Variants in NEURL2 observed in about 807,000 individuals in gnomAD.
NEURL2 encodes the protein neuralized-like protein 2.
NEURL2 carries 16 observed loss-of-function variants against 15.9 expected under a neutral mutation model. The ratio of observed to expected loss-of-function variants is 1.01; its 90% CI spans 0.68 to 1.53. NEURL2 has a LOEUF of 1.53. Ranked by LOEUF, NEURL2 falls within the 40% of genes most tolerant of loss-of-function variation. The probability of loss-of-function intolerance (pLI) is 0.00; values close to 1 mark genes in which losing one functional copy is unlikely to be tolerated. For missense variants in NEURL2, 393 were observed against 407.8 expected, an observed-to-expected ratio of 0.96 and a Z score of 0.31; for synonymous variants, 188 against 178.3, an observed-to-expected ratio of 1.05 and a Z score of -0.43.
At chr20:45,889,706 C>T (rs531963933) in intron 1 of NEURL2, among the ~76,000 whole-genome samples, 97 of 149,666 alleles carry the variant, frequency 6.5e-4, no homozygotes, top group Non-Finnish European at 1.3e-3. Context: ...CTCCACCTCT[C>T]GGGTTCAAGT....
chr20:45,890,827 G>A lies in NEURL2; in HGVS notation c.165C>T (p.Phe55=). The A allele has an allele frequency of 6.4e-7, 1 of 1,572,556 alleles. No individual in the cohort carries two copies. The highest frequency in any genetic ancestry group is 1.2e-5 in the South Asian group (1 of 85,604). The change falls in exon 1 of 2, where the codon TTC becomes TTT. Residue 55 remains phenylalanine, a synonymous_variant. Transcript: ENST00000372518. ...RVESFAHGVC[F]SREPLAPGQV... Reference sequence around the variant, plus strand: ...GGCCCGGGGCCAGCGGCTCGCGGCTGAAGCACACGCCGTGGGCGAAGCTCT... The same window carrying A: ...GGCCCGGGGCCAGCGGCTCGCGGCTAAAGCACACGCCGTGGGCGAAGCTCT...
At chr20:45,888,949 A>G in intron 1 of NEURL2, 76 bp from the exon 2 acceptor site, 1 of 1,564,172 alleles carries the variant, frequency 6.4e-7, no homozygotes, top group Non-Finnish European at 8.7e-7. Context: ...GGTCTAGGTC[A>G]TGGTCCCCAC....
Position 45,890,426 on chromosome 20 carries a change from C to T in NEURL2, c.566G>A (p.Arg189His). Residue 189 changes from arginine to histidine, a missense_variant, in exon 1 of 2, where the codon CGC (arginine) becomes CAC (histidine). Physicochemically the swap from Arg to His is conservative, Grantham distance 29. Transcript: ENST00000372518. ...GCGCGGGCAAAAGAGGACACCCAGGCGGCTACGGCGCGCGGTCGGAGGCAG... is the reference window on the plus strand; with the variant it reads ...GCGCGGGCAAAAGAGGACACCCAGGTGGCTACGGCGCGCGGTCGGAGGCAG... Reference protein sequence around the residue: ...NVLPPTARRSRLGVLFCPRPD... With the variant: ...NVLPPTARRSHLGVLFCPRPD... 7 of 1,610,786 alleles carry T rather than the reference C, an allele frequency of 4.3e-6. No homozygotes were observed. The highest frequency in any genetic ancestry group is 5.9e-6 in the Non-Finnish European group (7 of 1,178,676).
In NEURL2 at chr20:45,890,413, G is replaced by C. The variant is rs757414186; in HGVS notation, c.579C>G (p.Leu193=). The change falls in exon 1 of 2, where the codon CTC becomes CTG. Residue 193 remains leucine, a synonymous_variant. Transcript: ENST00000372518. Reference sequence around the variant, plus strand: ...CCGTGCCATCGGGGCGCGGGCAAAAGAGGACACCCAGGCGGCTACGGCGCG... The same window carrying C: ...CCGTGCCATCGGGGCGCGGGCAAAACAGGACACCCAGGCGGCTACGGCGCG... The part of the protein sequence containing the change: ...PTARRSRLGV[L]FCPRPDGTAD... 5 of 1,612,010 alleles carry C rather than the reference G, an allele frequency of 3.1e-6. No homozygotes were observed. In the African/African-American group the frequency reaches 6.7e-5, roughly 22 times the overall value.
chr20:45,890,656 G>T lies in NEURL2; in HGVS notation c.336C>A (p.Val112=). ...GGTTGTGGTGGCGCGTGATGGCGAAGACCCAGGTGTGGCCCAGGTTGACCA... is the reference window on the plus strand; with the variant it reads ...GGTTGTGGTGGCGCGTGATGGCGAATACCCAGGTGTGGCCCAGGTTGACCA... The part of the protein sequence containing the change: ...PDLVNLGHTW[V]FAITRHHNRV... The change falls in exon 1 of 2, where the codon GTC becomes GTA. Residue 112 remains valine, a synonymous_variant. Transcript: ENST00000372518. 1.2e-6 allele frequency: 2 copies of T among 1,613,544 alleles called. No homozygotes were observed. Among genetic ancestry groups the T allele is most frequent in the Non-Finnish European group, 1.7e-6 (2 of 1,179,838 alleles).
rs1250627846 is a variant in NEURL2, at chr20:45,890,371, G to A, written c.621C>T (p.Ile207=). Residue 207 remains isoleucine, a synonymous_variant, in exon 1 of 2, where the codon ATC becomes ATT. Transcript: ENST00000372518. The part of the protein sequence containing the change: ...RPDGTADMHI[I]INGEDMGPSA... The stretch of plus-strand genomic sequence containing the variant: ...TCGGGCCCATGTCCTCGCCGTTGAT[G>A]ATGATGTGCATGTCGGCCGTGCCAT... 5.6e-6 allele frequency: 9 copies of A among 1,612,776 alleles called. No homozygotes were observed. Among genetic ancestry groups the A allele is most frequent in the African/African-American group, 1.3e-5 (1 of 74,910 alleles).
chr20:45,889,070 A>G (rs931863949), intron 1 of NEURL2, among the ~76,000 whole-genome samples, 197 bp from the exon 2 acceptor site: 3 of 152,172 alleles, frequency 2.0e-5, no homozygotes, highest in African/African-American at 7.2e-5. Flanking sequence ...AGCCCTGTTT[A>G]TATCATAACA....
Position 45,890,502 on chromosome 20 carries a change from G to C in NEURL2, c.490C>G (p.Arg164Gly), listed in dbSNP as rs1461431149. The change falls in exon 1 of 2, where the codon CGG (arginine) becomes GGG (glycine). Residue 164 changes from arginine to glycine, a missense_variant. Coordinates refer to ENST00000372518, the MANE Select transcript of NEURL2 (RefSeq NM_080749.4). Reference protein sequence around the residue: ...IPRDRLVGRSRPGLYSHLLDQ... With the variant: ...IPRDRLVGRSGPGLYSHLLDQ... ...AAGAGATGGCTGTAGAGCCCTGGCC[G>C]GCTGCGGCCCACCAGGCGGTCCCGG... The C allele has an allele frequency of 6.3e-7, 1 of 1,598,432 alleles. No individual in the cohort carries two copies. Among genetic ancestry groups the C allele is most frequent in the African/African-American group, 1.3e-5 (1 of 74,678 alleles).
chr20:45,890,761 C>T lies in NEURL2; in HGVS notation c.231G>A (p.Trp77Ter). The T allele has an allele frequency of 6.2e-7, 1 of 1,612,492 alleles. No homozygotes were observed. The highest frequency in any genetic ancestry group is 8.5e-7 in the Non-Finnish European group (1 of 1,179,404). ...LVEIEEKELG[W>*]CGHLRLGLTA... ...TCAGACCGAGACGCAGATGTCCGCA[C>T]CAGCCCAGCTCTTTCTCCTCGATCT... is the stretch of plus-strand genomic sequence containing the variant. Residue 77 changes from tryptophan (W) to a stop codon, truncating the protein, a stop_gained, in exon 1 of 2, where the codon TGG becomes TGA. Transcript: ENST00000372518. LOFTEE classifies it high-confidence loss of function.
chr20:45,889,527 A>AT (rs1986640251), intron 1 of NEURL2, among the ~76,000 whole-genome samples: 1 of 151,686 alleles, frequency 6.6e-6, no homozygotes, highest in African/African-American at 2.4e-5. Context: ...TAATTATTTA[A>AT]TTTTTTGTAC....
At position 45,890,683 on chromosome 20, in the gene NEURL2, A is replaced by C. The variant is rs1986744137; in HGVS notation, c.309T>G (p.Asp103Glu). ...CCCAGGTGTGGCCCAGGTTGACCAG[A>C]TCGGGCAGAGAAAACTCGGGAACGG... ...LAPVPEFSLP[D>E]LVNLGHTWVF... is the part of the protein sequence containing the mutation. The change falls in exon 1 of 2, where the codon GAT (aspartate) becomes GAG (glutamate). Residue 103 changes from aspartate (D) to glutamate (E), a missense_variant. Asp to Glu is a conservative substitution (Grantham distance 45, BLOSUM62 2). Coordinates refer to ENST00000372518, the MANE Select transcript of NEURL2 (RefSeq NM_080749.4). The C allele has an allele frequency of 1.2e-6, 2 of 1,613,584 alleles. No individual in the cohort carries two copies. The highest frequency in any genetic ancestry group is 2.7e-5 in the African/African-American group (2 of 74,918).
rs2145811506 is a variant in NEURL2, at chr20:45,891,037, G to T, written c.-46C>A. On this transcript the variant is annotated 5_prime_UTR_variant, in exon 1 of 2. Transcript: ENST00000372518. The surrounding 1 kb of genome is among the most constrained non-coding windows in gnomAD (Gnocchi z 4.6). ...CAGCTGGCGCCGGGGGCTATTTTGG[G>T]CGGCGGGCAATGATGGTGACCGCAA... The T allele has an allele frequency of 1.4e-6, 2 of 1,450,180 alleles. No homozygotes were observed. Among genetic ancestry groups the T allele is most frequent in the East Asian group, 4.9e-5 (2 of 40,578 alleles). The allele number at this position is 1,450,180 out of a possible 1,614,324, so 89.8% of individuals were successfully genotyped here.
At chr20:45,890,098 A>C in intron 1 of NEURL2, 152 bp downstream of exon 1, 1 of 790,204 alleles carries the variant, frequency 1.3e-6, no homozygotes, top group Non-Finnish European at 2.0e-6. Context: ...AGGCTTGTGC[A>C]AGATCACAAG....
In NEURL2 at chr20:45,890,670, C is replaced by T; in HGVS notation, c.322G>A (p.Gly108Ser). The change falls in exon 1 of 2, where the codon GGC becomes AGC. Residue 108 changes from glycine to serine, a missense_variant. Gly to Ser is a moderately conservative substitution (Grantham distance 56). Coordinates refer to ENST00000372518, the MANE Select transcript of NEURL2 (RefSeq NM_080749.4). ...GTGATGGCGAAGACCCAGGTGTGGCCCAGGTTGACCAGATCGGGCAGAGAA... is the reference window on the plus strand; with the variant it reads ...GTGATGGCGAAGACCCAGGTGTGGCTCAGGTTGACCAGATCGGGCAGAGAA... ...EFSLPDLVNL[G>S]HTWVFAITRH... 6.2e-7 allele frequency: 1 copy of T among 1,613,690 alleles called. No homozygotes were observed. The highest frequency in any genetic ancestry group is 8.5e-7 in the Non-Finnish European group (1 of 1,179,888).
At position 45,890,974 on chromosome 20, in the gene NEURL2, C is replaced by A; in HGVS notation, c.18G>T (p.Glu6Asp). The A allele has an allele frequency of 6.7e-7, 1 of 1,492,866 alleles. No individual in the cohort carries two copies. The highest frequency in any genetic ancestry group is 1.3e-5 in the South Asian group (1 of 74,924). The allele number at this position is 1,492,866 out of a possible 1,614,324, so 92.5% of individuals were successfully genotyped here. MAAAS[E>D]PVDSGALWGL... ...CCCAGAGTGCACCCGAATCCACGGG[C>A]TCGGAGGCAGCAGCCATCTCTCGGC... Residue 6 changes from glutamate to aspartate, a missense_variant, in exon 1 of 2, where the codon GAG (glutamate) becomes GAT (aspartate). Glu to Asp is a conservative substitution (Grantham distance 45). Transcript: ENST00000372518.
chr20:45,888,696 G>A lies in NEURL2; in HGVS notation c.*62C>T. On this transcript the variant is annotated 3_prime_UTR_variant, in exon 2 of 2. Transcript: ENST00000372518. ...GCTGGCAGCAATGTGGCCAACTTCG[G>A]ACCAGCCAGCCACAGGTCTGGGGCT... The A allele has an allele frequency of 3.2e-6, 5 of 1,564,072 alleles. No individual in the cohort carries two copies. The highest frequency in any genetic ancestry group is 4.4e-6 in the Non-Finnish European group (5 of 1,141,702).
intron 1 of NEURL2, among the ~76,000 whole-genome samples, chr20:45,889,231 G>A (rs953846335): frequency 6.6e-5 from 10 of 152,192 alleles, no homozygotes; most frequent in African/African-American, 1.9e-4. Flanking sequence ...AGGTATAACT[G>A]CAATGCTTAC....
chr20:45,888,922 G>A, intron 1 of NEURL2, 49 bp from the exon 2 acceptor site: 1 of 1,609,844 alleles, frequency 6.2e-7, no homozygotes, highest in Non-Finnish European at 8.5e-7. Context: ...GGGTGGGTCT[G>A]AGGCCAAGAT....
Position 45,888,728 on chromosome 20 carries a change from T to G in NEURL2, c.*30A>C. 6.2e-7 allele frequency: 1 copy of G among 1,611,860 alleles called. No individual in the cohort carries two copies. Among genetic ancestry groups the G allele is most frequent in the Non-Finnish European group, 8.5e-7 (1 of 1,178,798 alleles). ...CAGCCACAGGTCTGGGGCTCCAGGA[T>G]GCAGCTGTGCTCTGGTGCACTGTGG... On this transcript the variant is annotated 3_prime_UTR_variant, in exon 2 of 2. Coordinates refer to ENST00000372518, the MANE Select transcript of NEURL2 (RefSeq NM_080749.4).
Sources: gnomAD v4.1 joint callset for allele counts (sites outside exome capture counted in the v4.1 genomes callset) on GRCh38, gnomAD v4.1.1 for gene constraint, Gnocchi (gnomAD v3.1) non-coding constraint, MANE v1.5 for transcripts, NCBI Gene and HGNC (gene_info 2026-07-23, HGNC 2026-07-21) for gene names.